The following CDK13 variants were observed in gnomAD, a reference collection of about 807,000 sequenced individuals.
CDK13 encodes cyclin dependent kinase 13.
In CDK13, 40 loss-of-function variants were observed where a neutral mutation model predicts 137.6. The observed-to-expected ratio is 0.29, with a 90% CI of 0.23 to 0.38. The LOEUF is 0.38. Ranked by LOEUF, CDK13 falls within the 10% of genes least tolerant of loss-of-function variation. CDK13 has a pLI of 1.00. For synonymous variants in CDK13, 869 were observed against 760.1 expected (o/e 1.14, Z -2.36); for missense variants, 1,704 against 1,951.8 (o/e 0.87, Z 2.39).
In CDK13 at chr7:40,037,729, C is replaced by T. The variant is rs17496478; in HGVS notation, c.2354-8107C>T. Among the ~76,000 whole-genome samples the T allele has an allele frequency of 3.2e-3, 483 of 152,290 alleles. 1 individual carries two copies. Among genetic ancestry groups the T allele is most frequent in the Non-Finnish European group, 4.2e-3 (284 of 68,012 alleles). ...TCTTTGACCTTATCTTTCTTGTAAA[C>T]TAAAAGCCCTGGTTCCTAAAATATT... On this transcript the variant is annotated intron_variant, in intron 5 of 13. Coordinates refer to ENST00000181839, the MANE Select transcript of CDK13 (RefSeq NM_003718.5).
At chr7:40,021,112 T>TACACACACACACACAC (rs1415262803) in intron 5 of CDK13, among the ~76,000 whole-genome samples, 3 of 88,328 alleles carry the variant, frequency 3.4e-5, no homozygotes, top group African/African-American at 1.4e-4. Flanking sequence ...CGTATATATA[T>TACACACACACACACAC]ATATATATAT....
intron 12 of CDK13, among the ~76,000 whole-genome samples, chr7:40,091,471 C>T (rs1458654617): frequency 6.6e-6 from 1 of 151,990 alleles, no homozygotes; most frequent in African/African-American, 2.4e-5. Context: ...ACATATCATG[C>T]CACTGCACTC....
At chr7:40,029,909 C>G (rs1011787438) in intron 5 of CDK13, among the ~76,000 whole-genome samples, 2 of 152,120 alleles carry the variant, frequency 1.3e-5, no homozygotes, top group Admixed American at 6.5e-5. Flanking sequence ...GCCTTGGCCT[C>G]CCAAAGTACT....
Position 40,026,273 on chromosome 7 carries a change from C to T in CDK13, c.2354-19563C>T, listed in dbSNP as rs960931180. Among the ~76,000 whole-genome samples the T allele has an allele frequency of 3.3e-5, 5 of 152,306 alleles. No individual in the cohort carries two copies. The East Asian group carries it at 9.6e-4, about 29-fold the overall frequency. On this transcript the variant is annotated intron_variant, in intron 5 of 13. Transcript: ENST00000181839. ...CCTGTAATCCCAGCACTTTGGGAGG[C>T]CAAGGCAGGAGGATCTCTTGAGCTC...
intron 5 of CDK13, among the ~76,000 whole-genome samples, chr7:40,031,047 T>C (rs1785367635): frequency 6.6e-6 from 1 of 152,230 alleles, no homozygotes; most frequent in African/African-American, 2.4e-5. Flanking sequence ...GGTAAGAGAA[T>C]GTTTACCTTT....
intron 5 of CDK13, among the ~76,000 whole-genome samples, chr7:40,019,111 G>A (rs770822202): frequency 2.0e-5 from 3 of 152,228 alleles, no homozygotes; most frequent in Non-Finnish European, 2.9e-5. Context: ...CAAAGGACTA[G>A]GTAAAGTTTC....
Position 39,988,970 on chromosome 7 carries a change from G to GCTA in CDK13, c.1871+716_1871+718dup, listed in dbSNP as rs560676809. ...GCAGTGGCAGGTGCCTGTAATCCCA[G>GCTA]CTACTAGGGAGGCTGAGGCAGGAGA... On this transcript the variant is annotated intron_variant, in intron 2 of 13. Coordinates refer to ENST00000181839, the MANE Select transcript of CDK13 (RefSeq NM_003718.5). 2.7e-3 allele frequency among the ~76,000 whole-genome samples: 407 copies of GCTA among 151,098 alleles called. 3 individuals carry two copies. The highest frequency in any genetic ancestry group is 9.6e-3 in the African/African-American group (396 of 41,272).
chr7:40,070,651 G>C (rs1786400283), intron 9 of CDK13: 1 of 152,434 alleles, frequency 6.6e-6, no homozygotes, highest in Non-Finnish European at 1.5e-5. Flanking sequence ...GGTGGAGGCT[G>C]CAGTGAGCCA....
At chr7:40,026,263 C>G (rs537269285) in intron 5 of CDK13, among the ~76,000 whole-genome samples, 14 of 152,278 alleles carry the variant, frequency 9.2e-5, no homozygotes, top group African/African-American at 3.1e-4. Flanking sequence ...AATCCCAGCA[C>G]TTTGGGAGGC....
chr7:39,997,217 A>C (rs1784583050), intron 2 of CDK13, among the ~76,000 whole-genome samples: 1 of 152,132 alleles, frequency 6.6e-6, no homozygotes, highest in Non-Finnish European at 1.5e-5. Context: ...ATTCGTTAAC[A>C]ATTAATCAAT....
chr7:40,023,707 G>T (rs1274563107), intron 5 of CDK13, among the ~76,000 whole-genome samples: 1 of 151,828 alleles, frequency 6.6e-6, no homozygotes, highest in African/African-American at 2.4e-5. Flanking sequence ...CACCATGTTA[G>T]CCAGGATGGT....
At position 40,095,646 on chromosome 7, in the gene CDK13, A is replaced by G. The variant is rs540907587; in HGVS notation, c.*666A>G. 2.8e-5 allele frequency: 4 copies of G among 142,578 alleles called. No homozygotes were observed. Among genetic ancestry groups the G allele is most frequent in the East Asian group, 2.4e-4 (1 of 4,110 alleles). 8.8% of individuals were successfully genotyped at this position (142,578 alleles called of 1,614,324 possible). ...AAATAGTGGGTTTTATATGAAAACT[A>G]TGGGTGGGGTGGGGAGGGAAAGTAA... On this transcript the variant is annotated 3_prime_UTR_variant, in exon 14 of 14. Coordinates refer to ENST00000181839, the MANE Select transcript of CDK13 (RefSeq NM_003718.5).
intron 5 of CDK13, among the ~76,000 whole-genome samples, chr7:40,036,750 G>A (rs1047386136): frequency 2.0e-5 from 3 of 150,724 alleles, no homozygotes; most frequent in African/African-American, 7.3e-5. Flanking sequence ...GTGAATCTCA[G>A]GCTCATTGTA....
intron 9 of CDK13, among the ~76,000 whole-genome samples, chr7:40,069,073 A>G (rs1413876867): frequency 1.3e-5 from 2 of 152,124 alleles, no homozygotes; most frequent in Non-Finnish European, 2.9e-5. Flanking sequence ...GTCTCTACAA[A>G]AAATACAAAA....
chr7:40,087,769 A>G (rs112265140), intron 11 of CDK13, among the ~76,000 whole-genome samples: 102 of 152,112 alleles, frequency 6.7e-4, no homozygotes, highest in Middle Eastern at 3.4e-3. Flanking sequence ...GGCTGATCTC[A>G]AACTCCTGAC....
At position 40,094,941 on chromosome 7, in the gene CDK13, A is replaced by C; in HGVS notation, c.4500A>C (p.Thr1500=). 6.9e-7 allele frequency: 1 copy of C among 1,441,156 alleles called. No individual in the cohort carries two copies. The highest frequency in any genetic ancestry group is 9.1e-7 in the Non-Finnish European group (1 of 1,095,256). 89.3% of individuals were successfully genotyped at this position (1,441,156 alleles called of 1,614,324 possible). A position where few individuals can be genotyped will look rare whatever the true frequency, so the allele number is the denominator to read the frequency against. Residue 1500 remains threonine (T), a synonymous_variant, in exon 14 of 14, where the codon ACA becomes ACC. Transcript: ENST00000181839. ...AAGGATACAGGGGACATATTAGCAC[A>C]TCAACTGGCAGAGGCAGAGGCAGAG... ...YSQGYRGHIS[T]STGRGRGRGL... is the part of the protein sequence containing the mutation.
Position 40,081,740 on chromosome 7 carries a change from G to A in CDK13, c.3029+2889G>A, listed in dbSNP as rs909489503. On this transcript the variant is annotated intron_variant, in intron 11 of 13. Transcript: ENST00000181839. Reference sequence around the variant, plus strand: ...TACTCTTGTTGCCTCAGCCTCCTGAGTACCTGGGATTACAGGCATGCGCTA... The same window carrying A: ...TACTCTTGTTGCCTCAGCCTCCTGAATACCTGGGATTACAGGCATGCGCTA... Among the ~76,000 whole-genome samples, 5 of 152,172 alleles carry A rather than the reference G, an allele frequency of 3.3e-5. No homozygotes were observed. In the South Asian group the frequency reaches 8.3e-4, roughly 25 times the overall value.
intron 1 of CDK13, chr7:39,986,559 C>CTAAGAAATTG (rs1784341470): frequency 6.6e-6 from 1 of 152,094 alleles, no homozygotes; most frequent in Non-Finnish European, 1.5e-5. Flanking sequence ...CTTTTCCTTT[C>CTAAGAAATTG]TAAGAAATTG....
At chr7:40,024,771 C>A (rs1297640589) in intron 5 of CDK13, among the ~76,000 whole-genome samples, 1 of 150,186 alleles carries the variant, frequency 6.7e-6, no homozygotes, top group East Asian at 2.0e-4. Flanking sequence ...TCGAGCGATT[C>A]CCCTGCGTCT....
Sources: gnomAD v4.1 joint callset for allele counts (sites outside exome capture counted in the v4.1 genomes callset) on GRCh38, gnomAD v4.1.1 for gene constraint, MANE v1.5 for transcripts, NCBI Gene and HGNC (gene_info 2026-07-23, HGNC 2026-07-21) for gene names.